NAT2: variants seen among roughly 807,000 people sequenced by gnomAD.
NAT2 encodes arylamine N-acetyltransferase 2.
For synonymous variants in NAT2, 137 were observed against 125.9 expected, an observed-to-expected ratio of 1.09 and a Z score of -0.59; for missense variants, 428 against 339.1, an observed-to-expected ratio of 1.26 and a Z score of -2.06.
chr8:18,388,972 CT>C (rs1268853906), upstream of NAT2, among the ~76,000 whole-genome samples: 3 of 152,168 alleles, frequency 2.0e-5, no homozygotes, highest in African/African-American at 7.2e-5. Flanking sequence ...CTCAAGCTCT[CT>C]GACATCTCAC....
rs140983217 is a variant in NAT2 at position 18,400,384 on chromosome 8, C to G, written c.381C>G (p.Ser127Arg). The G allele has an allele frequency of 1.7e-5, 28 of 1,611,684 alleles. No individual in the cohort carries two copies. Among genetic ancestry groups the G allele is most frequent in the Non-Finnish European group, 2.4e-5 (28 of 1,179,140 alleles). The change falls in exon 2 of 2, where the codon AGC (serine) becomes AGG (arginine). Residue 127 changes from serine (S) to arginine (R), a missense_variant. Transcript: ENST00000286479. Reference sequence around the variant, plus strand: ...ACATTGTCGATGCTGGGTCTGGAAGCTCCTCCCAGATGTGGCAGCCTCTAG... The same window carrying G: ...ACATTGTCGATGCTGGGTCTGGAAGGTCCTCCCAGATGTGGCAGCCTCTAG... ...RNYIVDAGSG[S>R]SSQMWQPLEL... is the part of the protein sequence containing the mutation.
At chr8:18,386,414 A>G (rs1253271838), upstream of NAT2, among the ~76,000 whole-genome samples, 1 of 152,132 alleles carries the variant, frequency 6.6e-6, no homozygotes, top group East Asian at 1.9e-4. Flanking sequence ...CCACCCTTTG[A>G]ATTTTGAGCT....
At chr8:18,397,901 T>TA (rs1239345886) in intron 1 of NAT2, among the ~76,000 whole-genome samples, 2 of 152,200 alleles carry the variant, frequency 1.3e-5, no homozygotes, top group African/African-American at 4.8e-5. Flanking sequence ...TCTGTTGCTA[T>TA]AGCCTGATGC....
chr8:18,391,959 AAACTT>A (rs1452088884), intron 1 of NAT2, among the ~76,000 whole-genome samples: 1 of 152,228 alleles, frequency 6.6e-6, no homozygotes, highest in Non-Finnish European at 1.5e-5. Flanking sequence ...TCTTTAGACA[AAACTT>A]AACTCTTCAA....
chr8:18,390,748 T>C (rs1354007305), upstream of NAT2, among the ~76,000 whole-genome samples: 3 of 152,078 alleles, frequency 2.0e-5, no homozygotes, highest in Non-Finnish European at 4.4e-5. Context: ...CAAAGCCATA[T>C]GATACATGTG....
chr8:18,399,704 C>G (rs1029840225), intron 1 of NAT2, among the ~76,000 whole-genome samples: 1 of 152,140 alleles, frequency 6.6e-6, no homozygotes, highest in African/African-American at 2.4e-5. Context: ...AAGAACACCA[C>G]AAACAAGTTG....
intron 1 of NAT2, among the ~76,000 whole-genome samples, chr8:18,392,711 C>T (rs1396762421): frequency 2.0e-5 from 3 of 152,190 alleles, no homozygotes; most frequent in African/African-American, 4.8e-5. Context: ...ACTTGGGAAA[C>T]TTGAGAATGA....
At chr8:18,393,055 G>A (rs1800617300) in intron 1 of NAT2, among the ~76,000 whole-genome samples, 1 of 151,876 alleles carries the variant, frequency 6.6e-6, no homozygotes, top group South Asian at 2.1e-4. Flanking sequence ...CCTCAGTTAA[G>A]ACAGTTTTGC....
chr8:18,391,060 G>A (rs1258108896), upstream of NAT2, among the ~76,000 whole-genome samples: 1 of 152,100 alleles, frequency 6.6e-6, no homozygotes, highest in Non-Finnish European at 1.5e-5. Context: ...TGAAATACAA[G>A]GGCACAGCTC....
upstream of NAT2, among the ~76,000 whole-genome samples, chr8:18,390,754 A>G (rs539146927): frequency 1.3e-5 from 2 of 152,306 alleles, no homozygotes; most frequent in South Asian, 2.1e-4. Flanking sequence ...CATATGATAC[A>G]TGTGACACTT....
chr8:18,390,348 G>T (rs934550523), upstream of NAT2, among the ~76,000 whole-genome samples: 4 of 152,192 alleles, frequency 2.6e-5, no homozygotes, highest in East Asian at 7.7e-4. Context: ...AGAATAGTTA[G>T]AGTAGTAGAA....
chr8:18,399,347 A>T (rs1800748531), intron 1 of NAT2, among the ~76,000 whole-genome samples: 1 of 152,130 alleles, frequency 6.6e-6, no homozygotes, highest in Non-Finnish European at 1.5e-5. Context: ...CACTTACCAC[A>T]ATCTAACAGA....
upstream of NAT2, among the ~76,000 whole-genome samples, chr8:18,387,929 G>T (rs180709859): frequency 6.6e-6 from 1 of 152,186 alleles, no homozygotes; most frequent in African/African-American, 2.4e-5. Flanking sequence ...TCTGAGACAG[G>T]AATGCTAGAA....
intron 1 of NAT2, among the ~76,000 whole-genome samples, chr8:18,399,006 T>A (rs45465404): frequency 0.012 from 1,773 of 152,290 alleles, 14 homozygotes; most frequent in South Asian, 0.031. Flanking sequence ...TCACTTTGAT[T>A]TCTCATCTCG....
At chr8:18,387,491 C>T (rs536571098), upstream of NAT2, 182 of 153,850 alleles carry the variant, frequency 1.2e-3, no homozygotes, top group Non-Finnish European at 1.4e-3. Flanking sequence ...CCTGTTCCTC[C>T]TCTTTGCGCC....
chr8:18,391,657 T>C (rs1056773070), intron 1 of NAT2, among the ~76,000 whole-genome samples: 5 of 152,160 alleles, frequency 3.3e-5, no homozygotes, highest in African/African-American at 7.2e-5. Context: ...TAGCATCACA[T>C]GACAATAGCA....
intron 1 of NAT2, among the ~76,000 whole-genome samples, 183 bp downstream of exon 1, chr8:18,391,528 C>T (rs1459156591): frequency 1.3e-5 from 2 of 151,172 alleles, no homozygotes; most frequent in Admixed American, 6.6e-5. Flanking sequence ...TCATTATACA[C>T]ACTCCCTTTT....
intron 1 of NAT2, among the ~76,000 whole-genome samples, chr8:18,397,999 G>C (rs148786141): frequency 2.0e-5 from 3 of 152,178 alleles, no homozygotes; most frequent in South Asian, 2.1e-4. Flanking sequence ...CCTCCTATGA[G>C]TAAGGGCCAG....
In NAT2 at chr8:18,392,706, G is replaced by T. The variant is rs574184301; in HGVS notation, c.-7+1361G>T. On this transcript the variant is annotated intron_variant, in intron 1 of 1. Transcript: ENST00000286479. Reference sequence around the variant, plus strand: ...CACTCAATATTAACCACCACACTTGGGAAACTTGAGAATGAAGACCCAACT... The same window carrying T: ...CACTCAATATTAACCACCACACTTGTGAAACTTGAGAATGAAGACCCAACT... 5.3e-4 allele frequency among the ~76,000 whole-genome samples: 80 copies of T among 152,200 alleles called. 4 individuals are homozygous for T. In the South Asian group the frequency reaches 0.016, roughly 30 times the overall value.
Sources: allele counts gnomAD v4.1 joint callset (sites outside exome capture counted in the v4.1 genomes callset), GRCh38; gene constraint gnomAD v4.1.1; transcripts MANE v1.5; gene names NCBI Gene and HGNC (gene_info 2026-07-23, HGNC 2026-07-21).